Variants in PTPRM observed in about 807,000 individuals in gnomAD.
PTPRM encodes the protein receptor-type tyrosine-protein phosphatase mu.
In PTPRM, 47 loss-of-function variants were observed where a neutral mutation model predicts 186.7. The observed-to-expected ratio is 0.25, with a 90% CI of 0.20 to 0.32. PTPRM has a LOEUF of 0.32. Among genes scored for constraint, PTPRM ranks in the 10% least tolerant of loss-of-function variants. The pLI is 1.00. For synonymous variants in PTPRM, 668 were observed against 674.9 expected, an observed-to-expected ratio of 0.99 and a Z score of 0.16; for missense variants, 1,494 against 1,865.0, an observed-to-expected ratio of 0.80 and a Z score of 3.66.
chr18:8,231,886 C>T (rs2094291177), intron 14 of PTPRM, among the ~76,000 whole-genome samples: 1 of 152,210 alleles, frequency 6.6e-6, no homozygotes, highest in Non-Finnish European at 1.5e-5. Context: ...ACAGTATCCT[C>T]ATTTATCATA....
At chr18:8,067,927 G>A (rs1405838522) in intron 7 of PTPRM, among the ~76,000 whole-genome samples, 2 of 152,068 alleles carry the variant, frequency 1.3e-5, no homozygotes, top group East Asian at 3.9e-4. Context: ...ACATTCTTTG[G>A]TCATGTTTTA....
chr18:8,317,449 CA>C (rs577617448), intron 21 of PTPRM, among the ~76,000 whole-genome samples: 66 of 152,112 alleles, frequency 4.3e-4, no homozygotes, highest in African/African-American at 1.5e-3. Flanking sequence ...AGTGGGTATG[CA>C]TCAAAATTCC....
chr18:8,149,205 T>G (rs1002205420), intron 14 of PTPRM, among the ~76,000 whole-genome samples: 1 of 152,180 alleles, frequency 6.6e-6, no homozygotes, highest in Non-Finnish European at 1.5e-5. Flanking sequence ...CTGAATATCC[T>G]TGTTAATTTT....
intron 7 of PTPRM, among the ~76,000 whole-genome samples, chr18:8,054,090 CA>C (rs2087714089): frequency 6.6e-6 from 1 of 151,758 alleles, no homozygotes; most frequent in South Asian, 2.1e-4. Context: ...TTTCTTGTTT[CA>C]TTCTTACACT....
chr18:7,764,916 G>A (rs1266606927), intron 1 of PTPRM, among the ~76,000 whole-genome samples: 1 of 152,188 alleles, frequency 6.6e-6, no homozygotes, highest in Non-Finnish European at 1.5e-5. Flanking sequence ...CACTATTGTG[G>A]TATAGAGGAT....
chr18:7,938,288 A>G (rs536240173), intron 5 of PTPRM, among the ~76,000 whole-genome samples: 1 of 152,256 alleles, frequency 6.6e-6, no homozygotes, highest in African/African-American at 2.4e-5. Context: ...TCTTTCAACT[A>G]TGTTTTCAGA....
intron 2 of PTPRM, among the ~76,000 whole-genome samples, chr18:7,787,369 C>T (rs571498798): frequency 6.6e-6 from 1 of 152,348 alleles, no homozygotes; most frequent in African/African-American, 2.4e-5. Context: ...TGTTGAATGA[C>T]TGCTTCCAGC....
chr18:7,750,155 TTC>T (rs1418222890), intron 1 of PTPRM, among the ~76,000 whole-genome samples: 40 of 152,348 alleles, frequency 2.6e-4, no homozygotes, highest in African/African-American at 7.5e-4. Flanking sequence ...AAGGATATTT[TTC>T]TCTGTTATCG....
intron 22 of PTPRM, among the ~76,000 whole-genome samples, chr18:8,330,583 C>T (rs994639270): frequency 6.6e-6 from 1 of 152,068 alleles, no homozygotes; most frequent in African/African-American, 2.4e-5. Context: ...GTTCCCTTCA[C>T]TTTACTTCCT....
At chr18:7,927,774 A>G (rs1160176121) in intron 5 of PTPRM, among the ~76,000 whole-genome samples, 1 of 152,082 alleles carries the variant, frequency 6.6e-6, no homozygotes, top group Non-Finnish European at 1.5e-5. Context: ...TGTCTTAGAG[A>G]CAGGGTTTCT....
intron 7 of PTPRM, among the ~76,000 whole-genome samples, chr18:8,036,989 A>C (rs2148122988): frequency 6.6e-6 from 1 of 152,284 alleles, no homozygotes; most frequent in South Asian, 2.1e-4. Context: ...TCTGCTTCTG[A>C]ACTGGGATCA....
chr18:8,211,205 G>A (rs1186038166), intron 14 of PTPRM, among the ~76,000 whole-genome samples: 1 of 152,010 alleles, frequency 6.6e-6, no homozygotes, highest in Non-Finnish European at 1.5e-5. Context: ...GAGGAGAGTT[G>A]CACAGGCAGG....
chr18:7,835,803 C>T (rs963172939), intron 2 of PTPRM, among the ~76,000 whole-genome samples: 3 of 151,930 alleles, frequency 2.0e-5, no homozygotes, highest in South Asian at 2.1e-4. Flanking sequence ...TAAATTGACC[C>T]GTTTATCATT....
At chr18:8,058,009 G>GAA (rs1364525487) in intron 7 of PTPRM, among the ~76,000 whole-genome samples, 1 of 49,336 alleles carries the variant, frequency 2.0e-5, no homozygotes, top group Non-Finnish European at 3.5e-5. Flanking sequence ...TCTAGTTCTA[G>GAA]ATCCCTGAGG....
intron 7 of PTPRM, among the ~76,000 whole-genome samples, chr18:7,996,216 T>G (rs1193623097): frequency 6.6e-6 from 1 of 151,886 alleles, no homozygotes; most frequent in Non-Finnish European, 1.5e-5. Flanking sequence ...CATGATCAAG[T>G]GAGATTTATC....
At chr18:7,777,815 C>T (rs1427511669) in intron 2 of PTPRM, among the ~76,000 whole-genome samples, 1 of 151,956 alleles carries the variant, frequency 6.6e-6, no homozygotes, top group Non-Finnish European at 1.5e-5. Context: ...TTTTTTAGTA[C>T]CTAAATCTTT....
intron 2 of PTPRM, among the ~76,000 whole-genome samples, chr18:7,875,009 A>G (rs2048166799): frequency 1.3e-5 from 2 of 152,120 alleles, no homozygotes; most frequent in African/African-American, 4.8e-5. Flanking sequence ...CCTGGCCAAC[A>G]TGGTGAAACC....
intron 1 of PTPRM, among the ~76,000 whole-genome samples, chr18:7,675,186 T>G (rs1312787759): frequency 6.6e-6 from 1 of 152,230 alleles, no homozygotes; most frequent in Non-Finnish European, 1.5e-5. Context: ...GTTATCAGTC[T>G]TTTTGGGTAT....
In PTPRM at chr18:8,076,479, C is replaced by T; in HGVS notation, c.1466C>T (p.Ser489Phe). ...EDLPGAVPTE[S>F]IQGSTFEEKI... ...GTCCCAGGTGCTGTTCCCACTGAATCCATACAAGGAAGTACCTTTGAAGAG... is the reference window on the plus strand; with the variant it reads ...GTCCCAGGTGCTGTTCCCACTGAATTCATACAAGGAAGTACCTTTGAAGAG... Residue 489 changes from serine to phenylalanine, a missense_variant, in exon 9 of 33, where the codon TCC (serine) becomes TTC (phenylalanine). By Grantham distance (155) the Ser-to-Phe change is radical (BLOSUM62 -2). This residue lies in a region of PTPRM where 1,107 missense variants were observed against 1,350.2 expected (regional missense o/e 0.82). Transcript: ENST00000580170. 1 of 1,607,288 alleles carries T rather than the reference C, an allele frequency of 6.2e-7. No individual in the cohort carries two copies. Among genetic ancestry groups the T allele is most frequent in the Non-Finnish European group, 8.5e-7 (1 of 1,174,826 alleles).
Sources: allele counts gnomAD v4.1 joint callset (sites outside exome capture counted in the v4.1 genomes callset), GRCh38; gene constraint gnomAD v4.1.1; regional missense constraint gnomAD v4.1.1; transcripts MANE v1.5; gene names NCBI Gene and HGNC (gene_info 2026-07-23, HGNC 2026-07-21).